OSBPL3: variants seen among roughly 807,000 people sequenced by gnomAD.
The protein encoded by OSBPL3 is oxysterol-binding protein-related protein 3.
OSBPL3 carries 65 observed loss-of-function variants against 120.1 expected under a neutral mutation model. The observed-to-expected ratio is 0.54, with a 90% confidence interval of 0.44 to 0.67. OSBPL3 has a LOEUF of 0.67. Ranked by LOEUF, OSBPL3 falls within the 30% of genes least tolerant of loss-of-function variation. The probability of loss-of-function intolerance (pLI) is 0.00; values close to 1 mark genes in which losing one functional copy is unlikely to be tolerated. For synonymous variants in OSBPL3, 416 were observed against 402.6 expected (o/e 1.03, Z -0.40); for missense variants, 1,004 against 1,082.1 (o/e 0.93, Z 1.01).
Position 24,968,523 on chromosome 7 carries a change from C to T in OSBPL3, c.-150+11363G>A, listed in dbSNP as rs746756413. Reference sequence around the variant, plus strand: ...GCGATTCTCCTGCCTCCACCTCCTGCGTAGCCGGGATTACAGGCACACACC... The same window carrying T: ...GCGATTCTCCTGCCTCCACCTCCTGTGTAGCCGGGATTACAGGCACACACC... On this transcript the variant is annotated intron_variant, in intron 1 of 22. Coordinates refer to ENST00000313367, the MANE Select transcript of OSBPL3 (RefSeq NM_015550.4). The surrounding 1 kb of genome is among the most constrained non-coding windows in gnomAD (Gnocchi z 4.6). 7.9e-5 allele frequency among the ~76,000 whole-genome samples: 12 copies of T among 152,152 alleles called. No homozygotes were observed. The highest frequency in any genetic ancestry group is 1.3e-4 in the Non-Finnish European group (9 of 68,018).
At chr7:24,823,031 C>A (rs1235828488) in intron 16 of OSBPL3, among the ~76,000 whole-genome samples, 4 of 152,158 alleles carry the variant, frequency 2.6e-5, no homozygotes, top group Non-Finnish European at 5.9e-5. Context: ...ACATTGATAG[C>A]TTATTATTTT....
Position 24,863,654 on chromosome 7 carries a change from T to A in OSBPL3, c.674-55A>T, listed in dbSNP as rs761703792. The stretch of plus-strand genomic sequence containing the variant: ...ATGCTCCACTAGCAAGAGGGATCAC[T>A]GTGCTGTCCCCATGCCAGCTACTTT... On this transcript the variant is annotated intron_variant, in intron 7 of 22. Coordinates refer to ENST00000313367, the MANE Select transcript of OSBPL3 (RefSeq NM_015550.4). This position sits in a 1 kb window ranked among gnomAD's most constrained non-coding sequence, Gnocchi z 5.8. 8 of 1,124,842 alleles carry A rather than the reference T, an allele frequency of 7.1e-6. No homozygotes were observed. The highest frequency in any genetic ancestry group is 1.1e-5 in the Non-Finnish European group (8 of 737,702). 69.7% of individuals were successfully genotyped at this position (1,124,842 alleles called of 1,614,324 possible).
chr7:24,843,132 CT>C (rs1362448150), intron 12 of OSBPL3, among the ~76,000 whole-genome samples: 1 of 152,124 alleles, frequency 6.6e-6, no homozygotes, highest in Non-Finnish European at 1.5e-5. Flanking sequence ...CTGGGGAGGA[CT>C]TAAGTCCTGA....
At position 24,850,635 on chromosome 7, in the gene OSBPL3, G is replaced by A. The variant is rs145490869; in HGVS notation, c.1159-1459C>T. 2.1e-3 allele frequency among the ~76,000 whole-genome samples: 325 copies of A among 152,322 alleles called. 3 individuals carry two copies. Among genetic ancestry groups the A allele is most frequent in the Non-Finnish European group, 3.8e-3 (261 of 68,026 alleles). On this transcript the variant is annotated intron_variant, in intron 11 of 22. Coordinates refer to ENST00000313367, the MANE Select transcript of OSBPL3 (RefSeq NM_015550.4). ...ACCACTTAAGAAAAACTGCACAAGA[G>A]CTAAGATCACACAGCCACATATAAC... is the stretch of plus-strand genomic sequence containing the variant.
chr7:24,831,010 C>A lies in OSBPL3; in HGVS notation c.1747-105G>T. ...ACCTCTATGATTTTCTTTCAGAAAG[C>A]CAAAGATTTGTCTTTGGTTGTTTTT... is the stretch of plus-strand genomic sequence containing the variant. On this transcript the variant is annotated intron_variant, in intron 15 of 22. Transcript: ENST00000313367. The surrounding 1 kb of genome is among the most constrained non-coding windows in gnomAD (Gnocchi z 4.0). 1 of 1,158,576 alleles carries A rather than the reference C, an allele frequency of 8.6e-7. No homozygotes were observed. Among genetic ancestry groups the A allele is most frequent in the Non-Finnish European group, 1.2e-6 (1 of 858,094 alleles). The allele number at this position is 1,158,576 out of a possible 1,614,324, so 71.8% of individuals were successfully genotyped here.
intron 16 of OSBPL3, among the ~76,000 whole-genome samples, chr7:24,829,599 G>T (rs1165470398): frequency 6.6e-6 from 1 of 152,156 alleles, no homozygotes; most frequent in Non-Finnish European, 1.5e-5. Flanking sequence ...AGTTCTCTAA[G>T]AACTAGGGGG....
At chr7:24,878,308 G>A (rs1348352169) in intron 2 of OSBPL3, among the ~76,000 whole-genome samples, 2 of 152,142 alleles carry the variant, frequency 1.3e-5, no homozygotes, top group Non-Finnish European at 2.9e-5. Flanking sequence ...AGAGTGTTGG[G>A]GAAGAAAGTT....
chr7:24,874,791 C>G (rs150619436), intron 2 of OSBPL3, among the ~76,000 whole-genome samples: 1 of 152,294 alleles, frequency 6.6e-6, no homozygotes, highest in South Asian at 2.1e-4. Context: ...AGTGAAGACT[C>G]TCCTTGACTA....
At chr7:24,809,548 G>C (rs1387940449) in intron 20 of OSBPL3, among the ~76,000 whole-genome samples, 1 of 152,158 alleles carries the variant, frequency 6.6e-6, no homozygotes, top group African/African-American at 2.4e-5. Context: ...TTCCCTCAGA[G>C]AGTGCCCATG....
chr7:24,838,995 G>T (rs919946418), intron 14 of OSBPL3, among the ~76,000 whole-genome samples: 3 of 152,150 alleles, frequency 2.0e-5, no homozygotes, highest in African/African-American at 7.2e-5. Context: ...GTGTGATACT[G>T]AAAGGATACT....
rs563933402 is a variant in OSBPL3 at position 24,803,787 on chromosome 7, A to G, written c.2567+528T>C. 1.2e-4 allele frequency among the ~76,000 whole-genome samples: 19 copies of G among 152,034 alleles called. No homozygotes were observed. The highest frequency in any genetic ancestry group is 2.6e-4 in the African/African-American group (11 of 41,518). On this transcript the variant is annotated intron_variant, in intron 22 of 22. Transcript: ENST00000313367. This position sits in a 1 kb window ranked among gnomAD's most constrained non-coding sequence, Gnocchi z 4.2. ...CTCTGTATCAGAAAAAAAAAAAATTATATCTATTTTAACAAGACCTTCTTG... is the reference window on the plus strand; with the variant it reads ...CTCTGTATCAGAAAAAAAAAAAATTGTATCTATTTTAACAAGACCTTCTTG...
chr7:24,846,069 ATTGGCTT>A lies in OSBPL3; in HGVS notation c.1266+2993_1266+2999del, dbSNP rs545530254. Reference sequence around the variant, plus strand: ...TTATTGAATAATCCACCCCTTTCCCATTGGCTTTTGATGCCTTTTTGAACCATAATCT... The same window carrying A: ...TTATTGAATAATCCACCCCTTTCCCATTGATGCCTTTTTGAACCATAATCT... On this transcript the variant is annotated intron_variant, in intron 12 of 22. Transcript: ENST00000313367. 6.7e-3 allele frequency among the ~76,000 whole-genome samples: 1,027 copies of A among 152,272 alleles called. 10 individuals carry two copies. The highest frequency in any genetic ancestry group is 0.024 in the Middle Eastern group (7 of 294).
chr7:24,810,247 G>A (rs1311083887), intron 19 of OSBPL3: 14 of 227,408 alleles, frequency 6.2e-5, no homozygotes, highest in South Asian at 5.4e-4. Context: ...CTCAGTGGCC[G>A]GGCACGGTGG....
At chr7:24,841,717 A>AAAAAAAAAAGAAAAG (rs70942886) in intron 13 of OSBPL3, among the ~76,000 whole-genome samples, 7 of 82,798 alleles carry the variant, frequency 8.5e-5, no homozygotes, top group Admixed American at 1.5e-4. Flanking sequence ...AAAAAAAAAA[A>AAAAAAAAAAGAAAAG]AAAAGAGGCC....
intron 1 of OSBPL3, among the ~76,000 whole-genome samples, chr7:24,961,815 A>C (rs1012571382): frequency 7.2e-5 from 11 of 152,258 alleles, no homozygotes; most frequent in African/African-American, 1.7e-4. Flanking sequence ...AGAAGGGCTC[A>C]AAAGTCCATA....
intron 1 of OSBPL3, among the ~76,000 whole-genome samples, chr7:24,969,372 T>C (rs1433078447): frequency 1.3e-5 from 2 of 152,244 alleles, no homozygotes; most frequent in African/African-American, 4.8e-5. Context: ...TATATATTGA[T>C]AAAAGTAGGT....
Position 24,940,251 on chromosome 7 carries a change from G to T in OSBPL3, c.-150+39635C>A, listed in dbSNP as rs566728028. 6.6e-6 allele frequency among the ~76,000 whole-genome samples: 1 copy of T among 152,248 alleles called. No homozygotes were observed. Among genetic ancestry groups the T allele is most frequent in the Non-Finnish European group, 1.5e-5 (1 of 68,012 alleles). On this transcript the variant is annotated intron_variant, in intron 1 of 22. Coordinates refer to ENST00000313367, the MANE Select transcript of OSBPL3 (RefSeq NM_015550.4). This position sits in a 1 kb window ranked among gnomAD's most constrained non-coding sequence, Gnocchi z 4.4. ...TAATATTAAAATCATAAATTTGTAA[G>T]AAAGCCAATAAGCAGAGTGGTAAAC...
intron 16 of OSBPL3, among the ~76,000 whole-genome samples, chr7:24,829,056 C>T (rs1796067313): frequency 6.6e-6 from 1 of 152,210 alleles, no homozygotes; most frequent in Admixed American, 6.5e-5. Flanking sequence ...TTGGCCCTGT[C>T]CCACCAGGGC....
At chr7:24,928,201 T>TTG (rs1811312977) in intron 1 of OSBPL3, among the ~76,000 whole-genome samples, 1 of 150,440 alleles carries the variant, frequency 6.6e-6, no homozygotes, top group Non-Finnish European at 1.5e-5. Context: ...TTTGTTTTTT[T>TTG]TTTTTTTTGA....
Sources: gnomAD v4.1 joint callset for allele counts (sites outside exome capture counted in the v4.1 genomes callset) on GRCh38, gnomAD v4.1.1 for gene constraint, Gnocchi (gnomAD v3.1) non-coding constraint, MANE v1.5 for transcripts, NCBI Gene and HGNC (gene_info 2026-07-23, HGNC 2026-07-21) for gene names.